The following KCNIP4 variants were observed in gnomAD, a reference collection of about 807,000 sequenced individuals.
The protein encoded by KCNIP4 is Kv channel-interacting protein 4.
A neutral mutation model predicts 34.0 loss-of-function variants in KCNIP4; 12 were observed. The ratio of observed to expected loss-of-function variants is 0.35; its 90% CI spans 0.23 to 0.57. The LOEUF is 0.57. KCNIP4 is among the 20% of genes least tolerant of loss of function. The pLI, the probability that KCNIP4 is intolerant of heterozygous loss-of-function variation, is 0.83. For missense variants in KCNIP4, 238 were observed against 311.7 expected (o/e 0.76, Z 1.78); for synonymous variants, 124 against 102.2 (o/e 1.21, Z -1.29).
chr4:20,985,406 A>G (rs1736479585), intron 1 of KCNIP4, among the ~76,000 whole-genome samples: 2 of 152,170 alleles, frequency 1.3e-5, no homozygotes, highest in African/African-American at 4.8e-5. Flanking sequence ...CTACATCTCT[A>G]CGTGGTAGAC....
rs114983742 is a variant in KCNIP4, at chr4:21,325,083, G to A, written c.62-442374C>T. 3.5e-3 allele frequency among the ~76,000 whole-genome samples: 533 copies of A among 151,830 alleles called. 4 individuals are homozygous for A. Among genetic ancestry groups the A allele is most frequent in the African/African-American group, 0.011 (457 of 41,496 alleles). On this transcript the variant is annotated intron_variant, in intron 1 of 8. Coordinates refer to ENST00000382152, the MANE Select transcript of KCNIP4 (RefSeq NM_025221.6). ...ACTGTTGACATATAGAAATACTATG[G>A]ATTTTTATATTGACTTTGTATCCTG...
At chr4:21,910,088 G>C (rs1728219858) in intron 1 of KCNIP4, among the ~76,000 whole-genome samples, 1 of 152,092 alleles carries the variant, frequency 6.6e-6, no homozygotes, top group African/African-American at 2.4e-5. Flanking sequence ...AGTTACCTGT[G>C]CAGGGGGAGG....
At chr4:21,135,839 G>A (rs950529520) in intron 1 of KCNIP4, among the ~76,000 whole-genome samples, 5 of 152,046 alleles carry the variant, frequency 3.3e-5, no homozygotes, top group African/African-American at 9.7e-5. Context: ...TGAGCTCCAC[G>A]TCCCTATTTT....
chr4:21,126,990 C>T (rs1361551434), intron 1 of KCNIP4, among the ~76,000 whole-genome samples: 2 of 152,194 alleles, frequency 1.3e-5, no homozygotes, highest in Non-Finnish European at 1.5e-5. Flanking sequence ...TCTCACCTGA[C>T]CTTGAAGGTC....
chr4:21,034,479 T>C (rs1741281107), intron 1 of KCNIP4, among the ~76,000 whole-genome samples: 1 of 152,192 alleles, frequency 6.6e-6, no homozygotes, highest in Non-Finnish European at 1.5e-5. Flanking sequence ...GGTCTTTAGC[T>C]TCAGCCAAGA....
At chr4:20,975,414 C>T (rs1318953807) in intron 1 of KCNIP4, among the ~76,000 whole-genome samples, 2 of 151,912 alleles carry the variant, frequency 1.3e-5, no homozygotes, top group Non-Finnish European at 2.9e-5. Context: ...ACAATAATAC[C>T]GAAAATGAAA....
chr4:21,166,938 CAAAAAA>C (rs55649635), intron 1 of KCNIP4, among the ~76,000 whole-genome samples: 1 of 37,562 alleles, frequency 2.7e-5, no homozygotes, highest in African/African-American at 1.1e-4. Context: ...CACTCCATCT[CAAAAAA>C]AAAAAAAAAA....
chr4:21,072,640 T>C (rs929306222), intron 1 of KCNIP4, among the ~76,000 whole-genome samples: 2 of 152,200 alleles, frequency 1.3e-5, no homozygotes, highest in Admixed American at 1.3e-4. Flanking sequence ...GCAGAAGTTC[T>C]TTAGTTTAAT....
At chr4:21,410,367 G>T (rs1587122) in intron 1 of KCNIP4, among the ~76,000 whole-genome samples, 38,093 of 152,112 alleles carry the variant, frequency 0.25, 4,927 homozygotes, top group Admixed American at 0.28. Context: ...TGGAACCACA[G>T]AATGTGGCAG....
intron 1 of KCNIP4, among the ~76,000 whole-genome samples, chr4:21,064,075 G>A (rs1256818784): frequency 5.9e-5 from 9 of 151,900 alleles, no homozygotes; most frequent in Admixed American, 5.9e-4. Flanking sequence ...TTCATTTCAC[G>A]GTTTGTCACT....
chr4:20,806,573 GCTT>G (rs775429342), intron 3 of KCNIP4, among the ~76,000 whole-genome samples: 1 of 150,698 alleles, frequency 6.6e-6, no homozygotes, highest in Non-Finnish European at 1.5e-5. Context: ...TTGTTTTACT[GCTT>G]ATTATCAAAG....
intron 1 of KCNIP4, among the ~76,000 whole-genome samples, chr4:21,865,258 G>T (rs528896211): frequency 2.0e-5 from 3 of 151,576 alleles, no homozygotes; most frequent in Non-Finnish European, 4.4e-5. Flanking sequence ...TGATTCAGTG[G>T]TTCACTCACC....
At chr4:21,430,820 C>G (rs751411881) in intron 1 of KCNIP4, among the ~76,000 whole-genome samples, 1 of 139,204 alleles carries the variant, frequency 7.2e-6, no homozygotes, top group Non-Finnish European at 1.5e-5. Flanking sequence ...GTAAACTCAG[C>G]TCTTTTCACC....
At chr4:21,880,175 T>G (rs906298152) in intron 1 of KCNIP4, among the ~76,000 whole-genome samples, 1 of 152,224 alleles carries the variant, frequency 6.6e-6, no homozygotes, top group Non-Finnish European at 1.5e-5. Context: ...ACTTTTGTCA[T>G]GCTATTAAGC....
chr4:20,828,440 A>G (rs1159795251), intron 3 of KCNIP4, among the ~76,000 whole-genome samples: 2 of 152,170 alleles, frequency 1.3e-5, no homozygotes. Flanking sequence ...AAAGAAACAA[A>G]CAAAAGCTAC....
intron 1 of KCNIP4, among the ~76,000 whole-genome samples, chr4:21,278,095 T>A (rs1052198585): frequency 6.6e-6 from 1 of 152,014 alleles, no homozygotes; most frequent in Non-Finnish European, 1.5e-5. Flanking sequence ...TTGTAAAAAA[T>A]TCCCACTTTC....
At chr4:21,131,351 G>T (rs1202129288) in intron 1 of KCNIP4, among the ~76,000 whole-genome samples, 1 of 152,108 alleles carries the variant, frequency 6.6e-6, no homozygotes, top group Non-Finnish European at 1.5e-5. Context: ...AACCAAAAAA[G>T]CAATCTCTTC....
chr4:20,949,102 C>A (rs1180070715), intron 1 of KCNIP4, among the ~76,000 whole-genome samples: 1 of 152,182 alleles, frequency 6.6e-6, no homozygotes, highest in African/African-American at 2.4e-5. Flanking sequence ...GGCCTTTCTC[C>A]TGCTATTCCT....
intron 1 of KCNIP4, among the ~76,000 whole-genome samples, chr4:20,979,687 C>T (rs1452342271): frequency 5.9e-5 from 9 of 151,982 alleles, no homozygotes; most frequent in East Asian, 1.9e-4. Flanking sequence ...TGTGAGCCAC[C>T]GCGCCTGGCT....
Sources: gnomAD v4.1 joint callset for allele counts (sites outside exome capture counted in the v4.1 genomes callset) on GRCh38, gnomAD v4.1.1 for gene constraint, MANE v1.5 for transcripts, NCBI Gene and HGNC (gene_info 2026-07-23, HGNC 2026-07-21) for gene names.